Variants in PRKCE observed in about 807,000 individuals in gnomAD.
The protein encoded by PRKCE is protein kinase C epsilon, also known as protein kinase C epsilon type.
PRKCE carries 16 observed loss-of-function variants against 85.4 expected under a neutral mutation model. The observed-to-expected ratio is 0.19, with a 90% CI of 0.13 to 0.28. The LOEUF (loss-of-function observed/expected upper bound fraction) is 0.28. Ranked by LOEUF, PRKCE falls within the 10% of genes least tolerant of loss-of-function variation. The pLI is 1.00. For synonymous variants in PRKCE, 388 were observed against 371.5 expected (o/e 1.04, Z -0.51); for missense variants, 573 against 975.2 (o/e 0.59, Z 5.49).
At position 46,006,613 on chromosome 2, in the gene PRKCE, G is replaced by A. The variant is rs541479571; in HGVS notation, c.1064-849G>A. Among the ~76,000 whole-genome samples the A allele has an allele frequency of 3.3e-5, 5 of 152,286 alleles. No individual in the cohort carries two copies. In the East Asian group the frequency reaches 5.8e-4, roughly 18 times the overall value. On this transcript the variant is annotated intron_variant, in intron 8 of 14. Transcript: ENST00000306156. ...TTATTCACAAGCATCATTTAAAATC[G>A]GATTTTGCTCAAGATGCCCATTTCC...
chr2:45,901,710 G>A (rs1165087140), intron 2 of PRKCE, among the ~76,000 whole-genome samples: 5 of 152,210 alleles, frequency 3.3e-5, no homozygotes, highest in Non-Finnish European at 5.9e-5. Context: ...AGACTCTCCT[G>A]TTGTTGCTCA....
intron 1 of PRKCE, among the ~76,000 whole-genome samples, chr2:45,732,311 T>C (rs56212820): frequency 3.3e-5 from 5 of 152,302 alleles, no homozygotes; most frequent in African/African-American, 1.2e-4. Flanking sequence ...AAGTACATTC[T>C]ACCCAGGTTG....
rs141910149 is a variant in PRKCE at position 45,724,380 on chromosome 2, C to G, written c.348+71932C>G. On this transcript the variant is annotated intron_variant, in intron 1 of 14. Transcript: ENST00000306156. ...CCTCCAACTAGCCATTTCCCTGTCT[C>G]TCTCCCTCTCCTTCAGCCTCTCTAA... 5.4e-3 allele frequency among the ~76,000 whole-genome samples: 828 copies of G among 152,300 alleles called. 9 individuals carry two copies. Among genetic ancestry groups the G allele is most frequent in the African/African-American group, 0.019 (775 of 41,568 alleles).
intron 10 of PRKCE, among the ~76,000 whole-genome samples, chr2:46,035,063 A>C (rs1332249941): frequency 6.6e-6 from 1 of 152,184 alleles, no homozygotes; most frequent in African/African-American, 2.4e-5. Context: ...TCTGAAGCTG[A>C]AGGTCTCACC....
In PRKCE at chr2:45,835,037, AGT is replaced by A. The variant is rs559732790; in HGVS notation, c.349-7958_349-7957del. Among the ~76,000 whole-genome samples the A allele has an allele frequency of 7.9e-5, 12 of 152,310 alleles. No individual in the cohort carries two copies. The South Asian group carries it at 2.5e-3, about 32-fold the overall frequency. On this transcript the variant is annotated intron_variant, in intron 1 of 14. Transcript: ENST00000306156. ...AAGGTGGCTCAGCTGTGTGCCTGTG[AGT>A]GTGTTTGCACACGTGGGTGGGTGTG...
intron 11 of PRKCE, among the ~76,000 whole-genome samples, chr2:46,099,686 C>T (rs180969148): frequency 1.3e-5 from 2 of 152,236 alleles, no homozygotes; most frequent in African/African-American, 4.8e-5. Context: ...ACTGACCCTA[C>T]AGAGTTTCCA....
At chr2:45,994,480 A>T (rs72876107) in intron 6 of PRKCE, among the ~76,000 whole-genome samples, 4,228 of 152,100 alleles carry the variant, frequency 0.028, 203 homozygotes, top group African/African-American at 0.097. Flanking sequence ...TAACCACTAA[A>T]CTTTTTACCA....
At chr2:45,679,919 C>T (rs1408975849) in intron 1 of PRKCE, among the ~76,000 whole-genome samples, 1 of 152,214 alleles carries the variant, frequency 6.6e-6, no homozygotes, top group East Asian at 1.9e-4. Context: ...TGAGAAGTCT[C>T]TCTTCTAAAC....
intron 11 of PRKCE, among the ~76,000 whole-genome samples, chr2:46,110,366 T>C (rs1672136279): frequency 6.6e-6 from 1 of 152,174 alleles, no homozygotes; most frequent in South Asian, 2.1e-4. Context: ...ATTGGATTTC[T>C]TTAATAAGTA....
intron 1 of PRKCE, among the ~76,000 whole-genome samples, chr2:45,692,306 C>T (rs536563897): frequency 6.6e-6 from 1 of 152,276 alleles, no homozygotes; most frequent in East Asian, 1.9e-4. Context: ...CATGTTCCCT[C>T]TGAAACATGT....
chr2:45,672,726 G>GT (rs1228149278), intron 1 of PRKCE, among the ~76,000 whole-genome samples: 40 of 152,250 alleles, frequency 2.6e-4, no homozygotes, highest in Admixed American at 2.0e-3. Flanking sequence ...CAAGAGGATG[G>GT]TAAAAACTGC....
intron 2 of PRKCE, among the ~76,000 whole-genome samples, chr2:45,878,644 A>C (rs901722295): frequency 1.1e-4 from 17 of 152,192 alleles, no homozygotes; most frequent in African/African-American, 3.9e-4. Context: ...TAGCATTTTC[A>C]GGGGTTGTTA....
rs1304415689 is a variant in PRKCE, at chr2:46,060,436, A to G, written c.1438-25772A>G. ...GGAGGCAGGCAAAGCAGTGAGGGTT[A>G]AGTGAGTTGTCTGGGAGCTCTCCTG... On this transcript the variant is annotated intron_variant, in intron 10 of 14. Transcript: ENST00000306156. 2.6e-5 allele frequency among the ~76,000 whole-genome samples: 4 copies of G among 152,310 alleles called. No individual in the cohort carries two copies. In the South Asian group the frequency reaches 6.2e-4, roughly 24 times the overall value.
At chr2:46,153,867 A>T (rs1225300013) in intron 13 of PRKCE, among the ~76,000 whole-genome samples, 2 of 144,558 alleles carry the variant, frequency 1.4e-5, no homozygotes. Flanking sequence ...GCTCACTGCA[A>T]CTTCCGCCTC....
intron 10 of PRKCE, among the ~76,000 whole-genome samples, chr2:46,023,114 T>A (rs997585893): frequency 2.4e-5 from 2 of 82,014 alleles, no homozygotes; most frequent in Admixed American, 2.0e-4. Flanking sequence ...AAAAAAATCA[T>A]CTATATAGAT....
rs148417321 is a variant in PRKCE at position 46,119,755 on chromosome 2, G to C, written c.1593-25338G>C. 2.2e-3 allele frequency among the ~76,000 whole-genome samples: 331 copies of C among 152,298 alleles called. 4 individuals are homozygous for C. The highest frequency in any genetic ancestry group is 7.7e-3 in the African/African-American group (321 of 41,540). On this transcript the variant is annotated intron_variant, in intron 11 of 14. Coordinates refer to ENST00000306156, the MANE Select transcript of PRKCE (RefSeq NM_005400.3). ...TCCGGCAGCAGAGAGACAGTACGTA[G>C]ATTCTCACTAAAATGGAGCTTGTGA...
intron 1 of PRKCE, among the ~76,000 whole-genome samples, chr2:45,765,077 C>T (rs1348051576): frequency 2.0e-5 from 3 of 152,202 alleles, no homozygotes; most frequent in Non-Finnish European, 2.9e-5. Context: ...AACCCACCCA[C>T]TCACACGGGC....
At chr2:46,082,636 T>C (rs1669201215) in intron 10 of PRKCE, among the ~76,000 whole-genome samples, 1 of 152,122 alleles carries the variant, frequency 6.6e-6, no homozygotes, top group Non-Finnish European at 1.5e-5. Flanking sequence ...ATGGGGAGCA[T>C]CTGGAGCCCA....
At chr2:46,163,638 C>T (rs1317005338) in intron 14 of PRKCE, among the ~76,000 whole-genome samples, 5 of 133,368 alleles carry the variant, frequency 3.7e-5, no homozygotes, top group Non-Finnish European at 7.9e-5. Context: ...ACAGAGGCCA[C>T]TGAGAGACAC....
Sources: allele counts gnomAD v4.1 joint callset (sites outside exome capture counted in the v4.1 genomes callset), GRCh38; gene constraint gnomAD v4.1.1; transcripts MANE v1.5; gene names NCBI Gene and HGNC (gene_info 2026-07-23, HGNC 2026-07-21).